The following COL13A1 variants were observed in gnomAD, a reference collection of about 807,000 sequenced individuals.
COL13A1 encodes the protein collagen alpha-1(XIII) chain.
A neutral mutation model predicts 130.9 loss-of-function variants in COL13A1; 89 were observed. The observed-to-expected ratio is 0.68, with a 90% CI of 0.57 to 0.81. COL13A1 has a LOEUF of 0.81. Ranked by LOEUF, COL13A1 falls within the 30% of genes least tolerant of loss-of-function variation. The probability of loss-of-function intolerance (pLI) is 0.00; values close to 1 mark genes in which losing one functional copy is unlikely to be tolerated. For missense variants in COL13A1, 879 were observed against 934.6 expected, an observed-to-expected ratio of 0.94 and a Z score of 0.78; for synonymous variants, 402 against 341.6, an observed-to-expected ratio of 1.18 and a Z score of -1.95.
chr10:69,957,012 T>C lies in COL13A1; in HGVS notation c.2154T>C (p.Asp718=), dbSNP rs751636186. 5 of 1,613,694 alleles carry C rather than the reference T, an allele frequency of 3.1e-6. No homozygotes were observed. The highest frequency in any genetic ancestry group is 1.3e-5 in the African/African-American group (1 of 74,908). The change falls in exon 40 of 41, where the codon GAT becomes GAC. Residue 718 remains aspartate, a synonymous_variant. Transcript: ENST00000645393. The part of the protein sequence containing the change: ...GLDAPCPLGE[D]GLPVQGCWNK ...TTCCTTTCTCCTTGCAGGGCGAAGATGGCTTACCAGTCCAAGGCTGCTGGA... is the reference window on the plus strand; with the variant it reads ...TTCCTTTCTCCTTGCAGGGCGAAGACGGCTTACCAGTCCAAGGCTGCTGGA...
At chr10:69,935,432 C>A (rs994168699) in intron 32 of COL13A1, 41 bp downstream of exon 32, 109 of 1,435,910 alleles carry the variant, frequency 7.6e-5, no homozygotes, top group Non-Finnish European at 9.3e-5. Context: ...CCACTAATGT[C>A]CCCTCTCCAC....
At chr10:69,871,052 T>C (rs145122248) in intron 3 of COL13A1, among the ~76,000 whole-genome samples, 99 of 152,136 alleles carry the variant, frequency 6.5e-4, no homozygotes, top group African/African-American at 2.0e-3. Context: ...GTAGACCCAC[T>C]GCATGAGGTT....
chr10:69,860,176 T>C (rs888748644), intron 2 of COL13A1, among the ~76,000 whole-genome samples: 2 of 152,210 alleles, frequency 1.3e-5, no homozygotes, highest in Admixed American at 1.3e-4. Context: ...GACCAGCAGA[T>C]GAGCCCTGCT....
chr10:69,925,691 T>C (rs1343849273), intron 25 of COL13A1, 113 bp from the exon 26 acceptor site: 2 of 736,220 alleles, frequency 2.7e-6, no homozygotes, highest in Non-Finnish European at 2.4e-6. Context: ...CTGTTCTGGG[T>C]CCACCCATGT....
intron 2 of COL13A1, among the ~76,000 whole-genome samples, chr10:69,864,095 T>C (rs139636453): frequency 6.6e-6 from 1 of 152,018 alleles, no homozygotes; most frequent in Non-Finnish European, 1.5e-5. Flanking sequence ...TTAAATTAAA[T>C]TAAATTAAAA....
chr10:69,956,178 G>C (rs1324868757), intron 39 of COL13A1: 1 of 152,214 alleles, frequency 6.6e-6, no homozygotes, highest in Non-Finnish European at 1.5e-5. Context: ...CTTCCCCACT[G>C]GGTCTCTAGA....
intron 13 of COL13A1, among the ~76,000 whole-genome samples, chr10:69,896,475 C>T (rs1484675742): frequency 3.3e-5 from 5 of 152,208 alleles, no homozygotes; most frequent in East Asian, 1.9e-4. Context: ...CTTTAGGCAT[C>T]TCTCCCCGCT....
At chr10:69,805,263 A>C (rs1445224932) in intron 1 of COL13A1, among the ~76,000 whole-genome samples, 2 of 152,170 alleles carry the variant, frequency 1.3e-5, no homozygotes, top group Non-Finnish European at 2.9e-5. Context: ...CAAAGCAGTA[A>C]GGCCAAAAAC....
rs1452478741 is a variant in COL13A1 at position 69,894,423 on chromosome 10, A to G, written c.604-129A>G. Reference sequence around the variant, plus strand: ...ATAAGACATCTTGAATGTGGTGGGCATGGGAAGACCTGGCCATGGCTGGTA... The same window carrying G: ...ATAAGACATCTTGAATGTGGTGGGCGTGGGAAGACCTGGCCATGGCTGGTA... On this transcript the variant is annotated intron_variant, in intron 10 of 40. Transcript: ENST00000645393. 1.7e-5 allele frequency: 18 copies of G among 1,052,250 alleles called. No homozygotes were observed. The East Asian group carries it at 4.6e-4, about 27-fold the overall frequency. 65.2% of individuals were successfully genotyped at this position (1,052,250 alleles called of 1,614,324 possible).
chr10:69,805,429 G>T (rs1451279039), intron 1 of COL13A1, among the ~76,000 whole-genome samples: 1 of 152,210 alleles, frequency 6.6e-6, no homozygotes, highest in Non-Finnish European at 1.5e-5. Flanking sequence ...GGCCTTATCT[G>T]TGGGGGCCTT....
intron 2 of COL13A1, among the ~76,000 whole-genome samples, chr10:69,845,354 G>A (rs1030840705): frequency 2.0e-5 from 3 of 151,892 alleles, no homozygotes; most frequent in African/African-American, 7.3e-5. Context: ...CACCACGCCT[G>A]GCTAATTTTT....
chr10:69,861,079 C>T (rs965513292), intron 2 of COL13A1, among the ~76,000 whole-genome samples: 11 of 152,146 alleles, frequency 7.2e-5, no homozygotes, highest in East Asian at 5.8e-4. Flanking sequence ...GGAGTAACCC[C>T]GGCTGCTGGG....
At chr10:69,899,375 A>C (rs796395695) in intron 14 of COL13A1, among the ~76,000 whole-genome samples, 8 of 152,366 alleles carry the variant, frequency 5.3e-5, no homozygotes, top group African/African-American at 1.9e-4. Context: ...TATTTTGGAG[A>C]TAAGGTAACT....
intron 1 of COL13A1, among the ~76,000 whole-genome samples, chr10:69,803,565 A>G (rs976954846): frequency 2.0e-5 from 3 of 152,154 alleles, no homozygotes; most frequent in African/African-American, 7.2e-5. Context: ...CAGGGCCCAG[A>G]TAGAGAGGAG....
chr10:69,956,590 T>C (rs2070739948), intron 39 of COL13A1: 1 of 187,016 alleles, frequency 5.3e-6, no homozygotes, highest in African/African-American at 2.3e-5. Flanking sequence ...GGAAGGCCCT[T>C]AGCGGTCACA....
At chr10:69,913,336 G>C (rs1432830757) in intron 17 of COL13A1, among the ~76,000 whole-genome samples, 3 of 152,226 alleles carry the variant, frequency 2.0e-5, no homozygotes, top group Admixed American at 6.5e-5. Flanking sequence ...GGAGACAAGA[G>C]GGGGCAGAGA....
intron 2 of COL13A1, among the ~76,000 whole-genome samples, chr10:69,833,885 G>T (rs182194412): frequency 2.0e-5 from 3 of 152,266 alleles, no homozygotes; most frequent in African/African-American, 4.8e-5. Context: ...GAGGCAGACC[G>T]TGGAGGGAGT....
rs370302487 is a variant in COL13A1, at chr10:69,936,807, G to A, written c.1797+25G>A. The A allele has an allele frequency of 5.5e-4, 888 of 1,613,738 alleles. 7 individuals are homozygous for A. The South Asian group carries it at 6.4e-3, about 12-fold the overall frequency. On this transcript the variant is annotated intron_variant, in intron 33 of 40. Transcript: ENST00000645393. ...GGTAAGGAGAAGTCACATGACAGGC[G>A]CTGTGTCAGTGCTAGTAGAAAAGAG...
chr10:69,837,242 A>T (rs1469690401), intron 2 of COL13A1, among the ~76,000 whole-genome samples: 1 of 152,000 alleles, frequency 6.6e-6, no homozygotes, highest in Non-Finnish European at 1.5e-5. Context: ...CCCATGGGGG[A>T]CCTTACCAAT....
Sources: allele counts gnomAD v4.1 joint callset (sites outside exome capture counted in the v4.1 genomes callset), GRCh38; gene constraint gnomAD v4.1.1; transcripts MANE v1.5; gene names NCBI Gene and HGNC (gene_info 2026-07-23, HGNC 2026-07-21).